The following PDE10A variants were observed in gnomAD, a reference collection of about 807,000 sequenced individuals.
PDE10A encodes the protein cAMP and cAMP-inhibited cGMP 3',5'-cyclic phosphodiesterase 10A.
In PDE10A, 39 loss-of-function variants were observed where a neutral mutation model predicts 97.7. That is an observed-to-expected ratio of 0.40 (90% CI 0.31 to 0.52). The LOEUF (loss-of-function observed/expected upper bound fraction) is 0.52, where lower values mean the gene tolerates loss of function less well. Ranked by LOEUF, PDE10A falls within the 20% of genes least tolerant of loss-of-function variation. The probability of loss-of-function intolerance (pLI) is 0.56; values close to 1 mark genes in which losing one functional copy is unlikely to be tolerated. For missense variants in PDE10A, 731 were observed against 1,047.8 expected (o/e 0.70, Z 4.17); for synonymous variants, 371 against 376.8 (o/e 0.98, Z 0.18).
At chr6:165,748,560 G>A (rs1792894876) in intron 1 of PDE10A, among the ~76,000 whole-genome samples, 1 of 152,168 alleles carries the variant, frequency 6.6e-6, no homozygotes, top group Non-Finnish European at 1.5e-5. Flanking sequence ...TAATGTCAAG[G>A]ACATGATATA....
rs1168771487 is a variant in PDE10A, at chr6:165,796,091, C to CTTTTTTT, written c.-615+191431_-615+191437dup. On this transcript the variant is annotated intron_variant, in intron 1 of 19. Transcript: ENST00000366882. ...GCACGTCTTTTCTTTTTTTTCTTTT[C>CTTTTTTT]TTTTTTTTTTTTTTTTTTTTTTGAG... is the stretch of plus-strand genomic sequence containing the variant. Among the ~76,000 whole-genome samples, 271 of 108,788 alleles carry CTTTTTTT rather than the reference C, an allele frequency of 2.5e-3. 1 individual carries two copies. The highest frequency in any genetic ancestry group is 3.4e-3 in the Non-Finnish European group (188 of 55,674). The allele number at this position is 108,788 out of a possible 152,430, so 71.4% of individuals were successfully genotyped here.
At chr6:165,922,342 C>T (rs543934756) in intron 1 of PDE10A, among the ~76,000 whole-genome samples, 1 of 152,286 alleles carries the variant, frequency 6.6e-6, no homozygotes, top group East Asian at 1.9e-4. Context: ...AGGGTCACCC[C>T]ATCAAAGCCA....
chr6:165,511,200 C>T (rs558221897), intron 2 of PDE10A, among the ~76,000 whole-genome samples: 85 of 151,946 alleles, frequency 5.6e-4, no homozygotes, highest in South Asian at 2.1e-3. Context: ...TTGCTGTATA[C>T]GACAGGTTTT....
At chr6:165,853,826 A>C (rs932265164) in intron 1 of PDE10A, among the ~76,000 whole-genome samples, 1 of 152,210 alleles carries the variant, frequency 6.6e-6, no homozygotes, top group African/African-American at 2.4e-5. Context: ...ATAGGGCACT[A>C]GGTCTTTCAG....
At chr6:165,336,032 G>T in intron 21 of PDE10A, 91 bp downstream of exon 21, 1 of 993,024 alleles carries the variant, frequency 1.0e-6, no homozygotes, top group Non-Finnish European at 1.6e-6. Flanking sequence ...CAAACACACA[G>T]ACCACAACAC....
At chr6:165,701,443 T>G (rs1324895578) in intron 1 of PDE10A, among the ~76,000 whole-genome samples, 5 of 152,220 alleles carry the variant, frequency 3.3e-5, no homozygotes, top group Admixed American at 2.0e-4. Flanking sequence ...TTTTCTTTGA[T>G]TTAACAACAA....
chr6:165,727,033 A>T (rs1333139783), intron 1 of PDE10A, among the ~76,000 whole-genome samples: 1 of 152,168 alleles, frequency 6.6e-6, no homozygotes, highest in Non-Finnish European at 1.5e-5. Flanking sequence ...GGGACCGAGC[A>T]CGTGGGGATT....
chr6:165,707,148 G>A (rs1791730420), intron 1 of PDE10A, among the ~76,000 whole-genome samples: 1 of 152,216 alleles, frequency 6.6e-6, no homozygotes, highest in Non-Finnish European at 1.5e-5. Flanking sequence ...GACCCTCAAA[G>A]TAGCTGGAAT....
At chr6:165,721,602 T>G (rs937383048) in intron 1 of PDE10A, among the ~76,000 whole-genome samples, 1 of 152,208 alleles carries the variant, frequency 6.6e-6, no homozygotes, top group Admixed American at 6.5e-5. Context: ...ATGCTTTTTC[T>G]GGTAAACAGT....
intron 1 of PDE10A, among the ~76,000 whole-genome samples, chr6:165,653,622 C>T (rs1789792826): frequency 6.6e-6 from 1 of 152,202 alleles, no homozygotes; most frequent in Non-Finnish European, 1.5e-5. Context: ...CCCCACCACA[C>T]GTGTCTCTAC....
Position 165,707,332 on chromosome 6 carries a change from G to A in PDE10A, c.-614-163764C>T, listed in dbSNP as rs557311378. On this transcript the variant is annotated intron_variant, in intron 1 of 19. Coordinates refer to the PDE10A transcript ENST00000366882. ...GCTGAGCCTGCTCAGACTCTAGTTC[G>A]GGGCCCTGCACAGAGCAGGGTTTGC... is the stretch of plus-strand genomic sequence containing the variant. Among the ~76,000 whole-genome samples the A allele has an allele frequency of 3.3e-5, 5 of 152,248 alleles. No homozygotes were observed. The East Asian group carries it at 5.8e-4, about 18-fold the overall frequency.
intron 1 of PDE10A, among the ~76,000 whole-genome samples, chr6:165,652,326 G>A (rs1340412283): frequency 6.6e-6 from 1 of 151,618 alleles, no homozygotes; most frequent in Non-Finnish European, 1.5e-5. Context: ...GTGTGATCAT[G>A]GCTCACTGCA....
At chr6:165,345,019 A>C in intron 18 of PDE10A, among the ~76,000 whole-genome samples, 1 of 152,210 alleles carries the variant, frequency 6.6e-6, no homozygotes, top group Non-Finnish European at 1.5e-5. Flanking sequence ...AACGTAATGA[A>C]TATATGACCT....
At chr6:165,606,349 G>T (rs908275691) in intron 1 of PDE10A, among the ~76,000 whole-genome samples, 6 of 152,058 alleles carry the variant, frequency 3.9e-5, no homozygotes, top group African/African-American at 1.4e-4. Context: ...AAACACACAG[G>T]ATTTGTTTTT....
chr6:165,523,676 C>A (rs1301034929), intron 2 of PDE10A, among the ~76,000 whole-genome samples: 1 of 152,066 alleles, frequency 6.6e-6, no homozygotes, highest in African/African-American at 2.4e-5. Flanking sequence ...CTTATAAGAA[C>A]CCTAGGAAAT....
intron 3 of PDE10A, among the ~76,000 whole-genome samples, chr6:165,477,974 T>C (rs1779387138): frequency 1.3e-5 from 2 of 152,324 alleles, no homozygotes; most frequent in East Asian, 3.9e-4. Flanking sequence ...GCTTGGGTCT[T>C]GACTCTTTTC....
At chr6:165,531,113 T>A (rs1782750832) in intron 2 of PDE10A, among the ~76,000 whole-genome samples, 4 of 152,026 alleles carry the variant, frequency 2.6e-5, no homozygotes, top group Admixed American at 2.6e-4. Context: ...AACTCTGGTG[T>A]CTCAGGGAAC....
At chr6:165,705,509 G>T (rs1197198658) in intron 1 of PDE10A, among the ~76,000 whole-genome samples, 1 of 152,226 alleles carries the variant, frequency 6.6e-6, no homozygotes, top group Non-Finnish European at 1.5e-5. Context: ...CTGATGCAGA[G>T]CAGGTCTTCA....
chr6:165,392,888 C>T (rs1785831754), intron 15 of PDE10A, 92 bp from the exon 16 acceptor site: 12 of 1,114,594 alleles, frequency 1.1e-5, no homozygotes, highest in Non-Finnish European at 1.3e-5. Context: ...TATGTCTGTA[C>T]CCTTATACAT....
Sources: gnomAD v4.1 joint callset for allele counts (sites outside exome capture counted in the v4.1 genomes callset) on GRCh38, gnomAD v4.1.1 for gene constraint, MANE v1.5 for transcripts, NCBI Gene and HGNC (gene_info 2026-07-23, HGNC 2026-07-21) for gene names.